ASIC2: variants seen among roughly 807,000 people sequenced by gnomAD.
The protein encoded by ASIC2 is acid-sensing ion channel 2.
ASIC2 carries 25 observed loss-of-function variants against 57.3 expected under a neutral mutation model. The ratio of observed to expected loss-of-function variants is 0.44; its 90% CI spans 0.32 to 0.61. ASIC2 has a LOEUF of 0.61. Ranked by LOEUF, ASIC2 falls within the 20% of genes least tolerant of loss-of-function variation. The pLI, the probability that ASIC2 is intolerant of heterozygous loss-of-function variation, is 0.06. For missense variants in ASIC2, 641 were observed against 738.1 expected (o/e 0.87, Z 1.52); for synonymous variants, 319 against 307.5 (o/e 1.04, Z -0.39).
intron 1 of ASIC2, among the ~76,000 whole-genome samples, chr17:33,484,520 A>G (rs530994629): frequency 6.6e-6 from 1 of 152,366 alleles, no homozygotes; most frequent in African/African-American, 2.4e-5. Context: ...TCTTCAACCC[A>G]ATATATTCAA....
chr17:33,912,298 G>T (rs938977462), intron 1 of ASIC2, among the ~76,000 whole-genome samples: 13 of 151,778 alleles, frequency 8.6e-5, no homozygotes, highest in African/African-American at 3.2e-4. Context: ...TTCGAGACCA[G>T]CCTGGCCAAC....
At chr17:34,003,433 G>C (rs1235307288) in intron 1 of ASIC2, 1 of 152,086 alleles carries the variant, frequency 6.6e-6, no homozygotes, top group Non-Finnish European at 1.5e-5. Context: ...CCCATCTGTT[G>C]CTTGACACAG....
intron 1 of ASIC2, among the ~76,000 whole-genome samples, chr17:33,118,592 G>C (rs534156382): frequency 4.6e-5 from 7 of 152,214 alleles, no homozygotes; most frequent in African/African-American, 7.2e-5. Context: ...ACCTGGTAGT[G>C]GGGGAGGCAC....
intron 1 of ASIC2, among the ~76,000 whole-genome samples, chr17:34,065,863 G>A (rs979774259): frequency 9.2e-5 from 14 of 152,108 alleles, no homozygotes; most frequent in Admixed American, 9.2e-4. Flanking sequence ...TCTCCCAAGT[G>A]GTAAAAATAA....
At chr17:33,960,550 C>A (rs557981291) in intron 1 of ASIC2, among the ~76,000 whole-genome samples, 18 of 152,230 alleles carry the variant, frequency 1.2e-4, no homozygotes, top group African/African-American at 4.1e-4. Context: ...CAGGATATAA[C>A]CTCAACTCCT....
intron 1 of ASIC2, among the ~76,000 whole-genome samples, chr17:33,443,956 G>A (rs1265524993): frequency 6.6e-6 from 1 of 152,104 alleles, no homozygotes; most frequent in African/African-American, 2.4e-5. Context: ...CCCAGCACTT[G>A]CGCTCAAACA....
chr17:33,174,930 T>C (rs1905684280), intron 1 of ASIC2, among the ~76,000 whole-genome samples: 1 of 152,204 alleles, frequency 6.6e-6, no homozygotes, highest in Admixed American at 6.5e-5. Flanking sequence ...GCTACCCTAC[T>C]GGCCCTGGTG....
intron 1 of ASIC2, among the ~76,000 whole-genome samples, chr17:33,507,125 T>C (rs762901375): frequency 2.6e-5 from 4 of 152,210 alleles, no homozygotes; most frequent in Non-Finnish European, 5.9e-5. Flanking sequence ...TCCCAATACC[T>C]GATGCTCTAT....
chr17:33,724,765 C>A (rs1196423815), intron 1 of ASIC2, among the ~76,000 whole-genome samples: 1 of 152,090 alleles, frequency 6.6e-6, no homozygotes, highest in Non-Finnish European at 1.5e-5. Context: ...ATGAAATGTT[C>A]AAGAGGTGGT....
intron 1 of ASIC2, among the ~76,000 whole-genome samples, chr17:34,049,089 G>A (rs1420377371): frequency 1.3e-5 from 2 of 152,072 alleles, no homozygotes; most frequent in East Asian, 3.9e-4. Context: ...CTTGAGCCCA[G>A]GAGTTCAAGA....
At chr17:33,854,140 G>A (rs932841355) in intron 1 of ASIC2, among the ~76,000 whole-genome samples, 4 of 152,182 alleles carry the variant, frequency 2.6e-5, no homozygotes, top group African/African-American at 7.2e-5. Flanking sequence ...TGGGAAATGG[G>A]GTAAGGAGGA....
intron 1 of ASIC2, chr17:33,792,987 A>T (rs1911815829): frequency 6.6e-6 from 1 of 152,206 alleles, no homozygotes; most frequent in Admixed American, 6.5e-5. Context: ...CACTGCCCAG[A>T]ACAGGACTTT....
chr17:34,083,027 T>C (rs1014805504), intron 1 of ASIC2, among the ~76,000 whole-genome samples: 1 of 152,154 alleles, frequency 6.6e-6, no homozygotes, highest in Non-Finnish European at 1.5e-5. Context: ...TGCTATTTTT[T>C]TTTTATCATT....
intron 1 of ASIC2, among the ~76,000 whole-genome samples, chr17:33,992,380 TTCTAAGGTC>T: frequency 6.6e-6 from 1 of 152,166 alleles, no homozygotes; most frequent in South Asian, 2.1e-4. Flanking sequence ...GAAAATTGAT[TTCTAAGGTC>T]TGTCTCTCGT....
At chr17:33,258,459 G>C (rs1427502225) in intron 1 of ASIC2, among the ~76,000 whole-genome samples, 1 of 152,152 alleles carries the variant, frequency 6.6e-6, no homozygotes, top group East Asian at 1.9e-4. Flanking sequence ...GGTGCCATGA[G>C]GTAAGGGAAG....
chr17:33,949,534 A>G (rs954790515), intron 1 of ASIC2, among the ~76,000 whole-genome samples: 11 of 152,146 alleles, frequency 7.2e-5, no homozygotes, highest in Admixed American at 1.3e-4. Context: ...GCTGCTTTGG[A>G]TGTCTATGAT....
At chr17:34,085,215 C>T (rs1185598512) in intron 1 of ASIC2, among the ~76,000 whole-genome samples, 1 of 152,142 alleles carries the variant, frequency 6.6e-6, no homozygotes, top group African/African-American at 2.4e-5. Flanking sequence ...TATGTCCCAT[C>T]AATACCTAAT....
At chr17:33,892,870 C>A (rs1001576351) in intron 1 of ASIC2, among the ~76,000 whole-genome samples, 1 of 152,082 alleles carries the variant, frequency 6.6e-6, no homozygotes. Context: ...TTAGCAGCAG[C>A]GAACCAAGGG....
chr17:33,233,009 G>A (rs1399149477), intron 1 of ASIC2, among the ~76,000 whole-genome samples: 2 of 152,120 alleles, frequency 1.3e-5, no homozygotes, highest in Non-Finnish European at 2.9e-5. Context: ...TGTGAAGTGG[G>A]GGAAGGGGGC....
Sources: gnomAD v4.1 joint callset for allele counts (sites outside exome capture counted in the v4.1 genomes callset) on GRCh38, gnomAD v4.1.1 for gene constraint, MANE v1.5 for transcripts, NCBI Gene and HGNC (gene_info 2026-07-23, HGNC 2026-07-21) for gene names.